The following ANO4 variants were observed in gnomAD, a reference collection of about 807,000 sequenced individuals.
The protein encoded by ANO4 is anoctamin-4.
ANO4 carries 69 observed loss-of-function variants against 141.9 expected under a neutral mutation model. The ratio of observed to expected loss-of-function variants is 0.49; its 90% confidence interval spans 0.40 to 0.59. The LOEUF is 0.59. ANO4 is among the 20% of genes least tolerant of loss of function. ANO4 has a pLI of 0.00. For missense variants in ANO4, 894 were observed against 1,162.2 expected, an observed-to-expected ratio of 0.77 and a Z score of 3.36; for synonymous variants, 350 against 394.3, an observed-to-expected ratio of 0.89 and a Z score of 1.33.
At chr12:101,101,215 C>T (rs1279517552) in intron 22 of ANO4, among the ~76,000 whole-genome samples, 2 of 152,190 alleles carry the variant, frequency 1.3e-5, no homozygotes, top group African/African-American at 4.8e-5. Context: ...TCTCTAACCA[C>T]TTTCCTGACT....
chr12:100,756,733 C>T (rs1019922387), intron 3 of ANO4, among the ~76,000 whole-genome samples: 3 of 152,166 alleles, frequency 2.0e-5, no homozygotes, highest in East Asian at 1.9e-4. Context: ...GCTCTTCAGA[C>T]GTGGGTTCTG....
chr12:100,998,260 C>T (rs1192998936), intron 8 of ANO4, among the ~76,000 whole-genome samples: 7 of 152,184 alleles, frequency 4.6e-5, no homozygotes, highest in African/African-American at 1.4e-4. Flanking sequence ...TGCCCTTGAA[C>T]GTGAGACTCC....
intron 5 of ANO4, among the ~76,000 whole-genome samples, chr12:100,963,883 G>C (rs576523933): frequency 6.6e-6 from 1 of 152,142 alleles, no homozygotes; most frequent in Non-Finnish European, 1.5e-5. Context: ...ACCTGTGAGT[G>C]GAAGAAAGAA....
chr12:100,884,797 C>T (rs1472942309), intron 1 of ANO4, among the ~76,000 whole-genome samples: 2 of 152,174 alleles, frequency 1.3e-5, no homozygotes, highest in Non-Finnish European at 2.9e-5. Context: ...CGCATTCAAG[C>T]GATTCTCCCG....
In ANO4 at chr12:101,043,668, G is replaced by A. The variant is rs200693804; in HGVS notation, c.1251+33G>A. 4.7e-6 allele frequency: 7 copies of A among 1,486,474 alleles called. No individual in the cohort carries two copies. In the East Asian group the frequency reaches 1.4e-4, roughly 29 times the overall value. 92.1% of individuals were successfully genotyped at this position (1,486,474 alleles called of 1,614,324 possible). A position where few individuals can be genotyped will look rare whatever the true frequency, so the allele number is the denominator to read the frequency against. Reference sequence around the variant, plus strand: ...CAAACTGTAGCATTTTAGATGAATTGAATTTAACATACACCTTCCTGAGGG... The same window carrying A: ...CAAACTGTAGCATTTTAGATGAATTAAATTTAACATACACCTTCCTGAGGG... On this transcript the variant is annotated intron_variant, in intron 13 of 27. Coordinates refer to ENST00000392977, the MANE Select transcript of ANO4 (RefSeq NM_001286615.2).
intron 1 of ANO4, among the ~76,000 whole-genome samples, chr12:100,865,882 T>A (rs2038729220): frequency 6.6e-6 from 1 of 152,154 alleles, no homozygotes; most frequent in African/African-American, 2.4e-5. Context: ...GGGGAGGAGA[T>A]AGCCATTGCC....
intron 5 of ANO4, among the ~76,000 whole-genome samples, chr12:100,963,894 A>G (rs1261437036): frequency 6.6e-6 from 1 of 152,192 alleles, no homozygotes. Flanking sequence ...GAAGAAAGAA[A>G]TTCTCACTTA....
intron 1 of ANO4, among the ~76,000 whole-genome samples, chr12:100,895,691 A>T (rs2040316400): frequency 6.6e-6 from 1 of 150,970 alleles, no homozygotes; most frequent in Admixed American, 6.6e-5. Flanking sequence ...TCTCCCGAGT[A>T]GTTGGGATGA....
intron 1 of ANO4, among the ~76,000 whole-genome samples, chr12:100,831,648 T>G (rs1303160297): frequency 1.3e-5 from 2 of 152,120 alleles, no homozygotes; most frequent in Non-Finnish European, 2.9e-5. Flanking sequence ...GCTTAATATG[T>G]ATTTATTACA....
intron 14 of ANO4, among the ~76,000 whole-genome samples, chr12:101,061,212 C>T (rs941886194): frequency 6.6e-6 from 1 of 152,132 alleles, no homozygotes; most frequent in African/African-American, 2.4e-5. Context: ...TTGGCCCCCA[C>T]TCTCTTCTGG....
chr12:100,720,912 A>G lies in ANO4; in HGVS notation c.22+3365A>G, dbSNP rs151217386. ...TATTCATTTGAAGAAGTTGAGGCACAGATAGGTTAAGGAACTTATTTAGGG... is the reference window on the plus strand; with the variant it reads ...TATTCATTTGAAGAAGTTGAGGCACGGATAGGTTAAGGAACTTATTTAGGG... On this transcript the variant is annotated intron_variant, in intron 1 of 29. Coordinates refer to the ANO4 transcript ENST00000644049. Among the ~76,000 whole-genome samples, 164 of 152,340 alleles carry G rather than the reference A, an allele frequency of 1.1e-3. 1 individual carries two copies. The highest frequency in any genetic ancestry group is 2.1e-3 in the South Asian group (10 of 4,830).
rs746421680 is a variant in ANO4 at position 101,020,039 on chromosome 12, T to G, written c.740T>G (p.Ile247Ser). 22 of 1,604,398 alleles carry G rather than the reference T, an allele frequency of 1.4e-5. No homozygotes were observed. The highest frequency in any genetic ancestry group is 1.8e-5 in the Non-Finnish European group (21 of 1,171,674). The change falls in exon 9 of 28, where the codon ATC (isoleucine) becomes AGC (serine). Residue 247 changes from isoleucine (I) to serine (S), a missense_variant. This residue lies in a region of ANO4 where 637 missense variants were observed against 909.2 expected (regional missense o/e 0.70). Transcript: ENST00000392977. ...PFSQQRIHHF[I>S]IHNKETFFNN... Reference sequence around the variant, plus strand: ...TTTTTAATATATGTATGCAGCTTCATCATACACAACAAAGAAACGTTCTTC... The same window carrying G: ...TTTTTAATATATGTATGCAGCTTCAGCATACACAACAAAGAAACGTTCTTC...
At chr12:100,795,791 T>C (rs993242809) in intron 1 of ANO4, among the ~76,000 whole-genome samples, 2 of 152,216 alleles carry the variant, frequency 1.3e-5, no homozygotes, top group East Asian at 3.9e-4. Flanking sequence ...GTTATTAGAA[T>C]GGTTAGACTT....
intron 9 of ANO4, among the ~76,000 whole-genome samples, chr12:101,028,195 G>A (rs2046821369): frequency 6.6e-6 from 1 of 152,086 alleles, no homozygotes; most frequent in Non-Finnish European, 1.5e-5. Flanking sequence ...CTCAAAGATC[G>A]AAACTAGACA....
intron 8 of ANO4, among the ~76,000 whole-genome samples, chr12:101,019,524 A>C (rs576720442): frequency 3.3e-5 from 5 of 152,176 alleles, no homozygotes; most frequent in Non-Finnish European, 7.4e-5. Context: ...GGAAAAGGTA[A>C]GGACAGAGGT....
chr12:100,978,071 C>A (rs546430509), intron 7 of ANO4, among the ~76,000 whole-genome samples: 38 of 152,328 alleles, frequency 2.5e-4, no homozygotes, highest in South Asian at 6.2e-4. Flanking sequence ...TTCTGCTTTT[C>A]CATTAGAATC....
intron 22 of ANO4, among the ~76,000 whole-genome samples, chr12:101,106,092 G>A (rs938729815): frequency 6.6e-6 from 1 of 152,102 alleles, no homozygotes; most frequent in African/African-American, 2.4e-5. Context: ...GGCGACAAGA[G>A]CGAAACTCTG....
Position 100,734,045 on chromosome 12 carries a change from G to A in ANO4, c.106+188G>A, listed in dbSNP as rs558260990. ...CCTCTTGTGGATTTCTACTGCTTTT[G>A]CATGGAATTAGATGGAGGAAATGTC... On this transcript the variant is annotated intron_variant, in intron 2 of 29. Transcript: ENST00000644049. 3.3e-5 allele frequency among the ~76,000 whole-genome samples: 5 copies of A among 152,314 alleles called. No homozygotes were observed. The East Asian group carries it at 5.8e-4, about 18-fold the overall frequency.
At chr12:100,717,434 T>A, upstream of ANO4, 1 of 391,488 alleles carries the variant, frequency 2.6e-6, no homozygotes, top group East Asian at 3.6e-5. Context: ...GCCAAGCGCA[T>A]GCACTCGCCG....
Sources: gnomAD v4.1 joint callset for allele counts (sites outside exome capture counted in the v4.1 genomes callset) on GRCh38, gnomAD v4.1.1 for gene constraint, gnomAD v4.1.1 regional missense constraint, MANE v1.5 for transcripts, NCBI Gene and HGNC (gene_info 2026-07-23, HGNC 2026-07-21) for gene names.